ARL10: variants seen among roughly 807,000 people sequenced by gnomAD.
The protein encoded by ARL10 is ADP-ribosylation factor-like protein 10.
ARL10 carries 23 observed loss-of-function variants against 26.1 expected under a neutral mutation model. The ratio of observed to expected loss-of-function variants is 0.88; its 90% CI spans 0.63 to 1.25. The LOEUF (loss-of-function observed/expected upper bound fraction) is 1.25, where lower values mean the gene tolerates loss of function less well. Among genes scored for constraint, ARL10 ranks in the 50% most tolerant of loss-of-function variants. The probability of loss-of-function intolerance (pLI) is 0.00; values close to 1 mark genes in which losing one functional copy is unlikely to be tolerated. For synonymous variants in ARL10, 138 were observed against 149.1 expected, an observed-to-expected ratio of 0.93 and a Z score of 0.54; for missense variants, 300 against 323.6, an observed-to-expected ratio of 0.93 and a Z score of 0.56.
chr5:176,389,046 G>C, downstream of ARL10: 1 of 1,571,430 alleles, frequency 6.4e-7, no homozygotes, highest in East Asian at 2.2e-5. Flanking sequence ...AGAAGGACCA[G>C]AGCGCTAGCG....
Position 176,373,003 on chromosome 5 carries a change from C to T in ARL10, c.*1108C>T, listed in dbSNP as rs932794254. ...CTGGCTTTGAGGCTGTCGTCGATAT[C>T]ATAGTACTTTACATGGATTCACATG... On this transcript the variant is annotated 3_prime_UTR_variant, in exon 4 of 4. Transcript: ENST00000310389. 1.0e-5 allele frequency: 4 copies of T among 398,470 alleles called. No individual in the cohort carries two copies. Among genetic ancestry groups the T allele is most frequent in the African/African-American group, 8.2e-5 (4 of 48,610 alleles). The allele number at this position is 398,470 out of a possible 1,614,324, so 24.7% of individuals were successfully genotyped here.
intron 1 of ARL10, among the ~76,000 whole-genome samples, chr5:176,399,064 G>A (rs757069384): frequency 1.3e-5 from 2 of 152,010 alleles, no homozygotes; most frequent in African/African-American, 2.4e-5. Flanking sequence ...GGCTGATCTC[G>A]AACTCCCGAC....
downstream of ARL10, chr5:176,389,200 C>G (rs546685171): frequency 8.4e-7 from 1 of 1,189,962 alleles, no homozygotes; most frequent in African/African-American, 1.5e-5. Context: ...AAGACCTCGA[C>G]TCGACCTACC....
At chr5:176,406,306 G>C, downstream of ARL10, 1 of 1,058,468 alleles carries the variant, frequency 9.4e-7, no homozygotes, top group Non-Finnish European at 1.1e-6. Context: ...GGAGGCGACA[G>C]TCAGGGCCAG....
At chr5:176,366,283 G>T in intron 1 of ARL10, 97 bp from the exon 2 acceptor site, 1 of 1,415,778 alleles carries the variant, frequency 7.1e-7, no homozygotes, top group East Asian at 2.5e-5. Context: ...CAGGACGGGT[G>T]GAAGGCGGGC....
the ARL10 span, chr5:176,410,219 G>T: frequency 6.9e-6 from 11 of 1,594,030 alleles, no homozygotes; most frequent in Non-Finnish European, 9.5e-6. Flanking sequence ...GACCAGGGCT[G>T]TTGGTCCTTA....
At chr5:176,404,802 C>T (rs1225796673), downstream of ARL10, among the ~76,000 whole-genome samples, 1 of 152,190 alleles carries the variant, frequency 6.6e-6, no homozygotes, top group Non-Finnish European at 1.5e-5. Flanking sequence ...AGTGACCGAC[C>T]CTCTGTGGCT....
chr5:176,405,489 CAAAAAAAA>C (rs988554368), downstream of ARL10: 5 of 52,242 alleles, frequency 9.6e-5, no homozygotes, highest in East Asian at 6.0e-4. Context: ...CCCTGTCTCT[CAAAAAAAA>C]AAAAAAAAAA....
Position 176,381,463 on chromosome 5 carries a change from A to G in ARL10, c.*9568A>G, listed in dbSNP as rs969265835. 1.3e-5 allele frequency: 2 copies of G among 152,254 alleles called. No individual in the cohort carries two copies. The highest frequency in any genetic ancestry group is 4.8e-5 in the African/African-American group (2 of 41,452). The allele number at this position is 152,254 out of a possible 1,614,324, so 9.4% of individuals were successfully genotyped here. A position where few individuals can be genotyped will look rare whatever the true frequency, so the allele number is the denominator to read the frequency against. The stretch of plus-strand genomic sequence containing the variant: ...AGACAAGTTAACTTTAACAGAGCAG[A>G]AAAGGGTTCATGAACCAGGTAGTGC... On this transcript the variant is annotated 3_prime_UTR_variant, in exon 4 of 4. Transcript: ENST00000310389.
rs879815221 is a variant in ARL10, at chr5:176,371,242, GCT to G, written c.562-478_562-477del. Among the ~76,000 whole-genome samples the G allele has an allele frequency of 8.8e-3, 1,343 of 152,308 alleles. 9 individuals are homozygous for G. The highest frequency in any genetic ancestry group is 0.022 in the African/African-American group (909 of 41,572). ...ATACAAAAATTAGCCAGGCGTGGTG[GCT>G]CACACCTGTAGTCCCAGCTACTAGG... On this transcript the variant is annotated intron_variant, in intron 3 of 3. Coordinates refer to ENST00000310389, the MANE Select transcript of ARL10 (RefSeq NM_173664.6).
rs1267359878 is a variant in ARL10 at position 176,400,953 on chromosome 5, G to C, written c.134-788G>C. 2.0e-5 allele frequency among the ~76,000 whole-genome samples: 3 copies of C among 152,210 alleles called. No individual in the cohort carries two copies. The East Asian group carries it at 5.8e-4, about 29-fold the overall frequency. On this transcript the variant is annotated intron_variant, in intron 1 of 1. Coordinates refer to the ARL10 transcript ENST00000514533. ...CAGGGCTACAGTCTCCAGCTGCCTG[G>C]GGAGTGAGGGAAGGGCAGGCCAGGG... is the stretch of plus-strand genomic sequence containing the variant.
chr5:176,414,824 C>G, the ARL10 span, among the ~76,000 whole-genome samples: 1 of 152,158 alleles, frequency 6.6e-6, no homozygotes, highest in Non-Finnish European at 1.5e-5. Context: ...CAAGGAGATA[C>G]AGAGTTGCTT....
chr5:176,372,772 GGT>G lies in ARL10; in HGVS notation c.*880_*881del. On this transcript the variant is annotated 3_prime_UTR_variant, in exon 4 of 4. Coordinates refer to ENST00000310389, the MANE Select transcript of ARL10 (RefSeq NM_173664.6). ...CTGGGACGACAGTCAACTGGAGCTAGGTGTTGACCTCAGAACTGCATTTTATT... is the reference window on the plus strand; with the variant it reads ...CTGGGACGACAGTCAACTGGAGCTAGGTTGACCTCAGAACTGCATTTTATT... 1 of 397,534 alleles carries G rather than the reference GGT, an allele frequency of 2.5e-6. No homozygotes were observed. The highest frequency in any genetic ancestry group is 4.4e-6 in the Non-Finnish European group (1 of 225,656). 24.6% of individuals were successfully genotyped at this position (397,534 alleles called of 1,614,324 possible). A position where few individuals can be genotyped will look rare whatever the true frequency, so the allele number is the denominator to read the frequency against.
chr5:176,386,620 C>T, downstream of ARL10: 3 of 643,466 alleles, frequency 4.7e-6, no homozygotes, highest in Non-Finnish European at 8.7e-6. Context: ...CCTCCCTAAA[C>T]ATCTCTGACC....
rs13158884 is a variant in ARL10, at chr5:176,379,173, G to T, written c.*7278G>T. ...TGTTCTTTTTTATGTATGTATGTATGTATTTATTTTTTGAGATGGAGTTTT... is the reference window on the plus strand; with the variant it reads ...TGTTCTTTTTTATGTATGTATGTATTTATTTATTTTTTGAGATGGAGTTTT... On this transcript the variant is annotated 3_prime_UTR_variant, in exon 4 of 4. Transcript: ENST00000310389. 0.21 allele frequency: 32,095 copies of T among 151,936 alleles called. 3,710 individuals are homozygous for T. The highest frequency in any genetic ancestry group is 0.45 in the East Asian group (2,301 of 5,154). The allele number at this position is 151,936 out of a possible 1,614,324, so 9.4% of individuals were successfully genotyped here.
At position 176,371,874 on chromosome 5, in the gene ARL10, G is replaced by A. The variant is rs778025536; in HGVS notation, c.714G>A (p.Leu238=). The A allele has an allele frequency of 6.2e-7, 1 of 1,614,136 alleles. No homozygotes were observed. The change falls in exon 4 of 4, where the codon CTG becomes CTA. Residue 238 remains leucine (L), a synonymous_variant. Coordinates refer to ENST00000310389, the MANE Select transcript of ARL10 (RefSeq NM_173664.6). ...EEPGTVHIWK[L]LLELLS ...CTGGCACCGTGCACATCTGGAAACT[G>A]CTCTTGGAGCTCCTCTCCTAGGCTG...
downstream of ARL10, chr5:176,389,097 C>T (rs1047041582): frequency 6.2e-6 from 8 of 1,280,852 alleles, no homozygotes; most frequent in South Asian, 1.4e-5. Flanking sequence ...GACGAGGGGG[C>T]GGGGCGGTGA....
intron 1 of ARL10, chr5:176,397,576 T>C (rs192015466): frequency 2.0e-4 from 105 of 519,616 alleles, no homozygotes; most frequent in Non-Finnish European, 3.4e-4. Context: ...CATGTCCCCA[T>C]GGCCCCCTCA....
chr5:176,401,934 T>G, downstream of ARL10: 1 of 348,300 alleles, frequency 2.9e-6, no homozygotes. Flanking sequence ...CTCTGCTTCC[T>G]GCAGCCCCAT....
Sources: gnomAD v4.1 joint callset for allele counts (sites outside exome capture counted in the v4.1 genomes callset) on GRCh38, gnomAD v4.1.1 for gene constraint, MANE v1.5 for transcripts, NCBI Gene and HGNC (gene_info 2026-07-23, HGNC 2026-07-21) for gene names.